Variants in MYH14 observed in about 807,000 individuals in gnomAD.
MYH14 encodes the protein myosin heavy chain 14, also known as myosin-14.
A neutral mutation model predicts 255.5 loss-of-function variants in MYH14; 123 were observed. The observed-to-expected ratio is 0.48, with a 90% confidence interval of 0.42 to 0.56. The LOEUF is 0.56. Ranked by LOEUF, MYH14 falls within the 20% of genes least tolerant of loss-of-function variation. The pLI is 0.00. For synonymous variants in MYH14, 1,095 were observed against 1,161.2 expected, an observed-to-expected ratio of 0.94 and a Z score of 1.16; for missense variants, 2,423 against 2,802.3, an observed-to-expected ratio of 0.86 and a Z score of 3.06.
chr19:50,309,251 G>C, intron 42 of MYH14, 74 bp downstream of exon 42: 1 of 1,443,356 alleles, frequency 6.9e-7, no homozygotes, highest in Non-Finnish European at 9.7e-7. Flanking sequence ...ACGCGAGGCC[G>C]TGCCAGGGGC....
chr19:50,284,788 T>A (rs2123432436), intron 33 of MYH14: 1 of 152,268 alleles, frequency 6.6e-6, no homozygotes, highest in East Asian at 1.9e-4. Flanking sequence ...CTATCATGGC[T>A]CCATGTTAAT....
At position 50,298,570 on chromosome 19, in the gene MYH14, G is replaced by A. The variant is rs535406560; in HGVS notation, c.5470-3091G>A. Among the ~76,000 whole-genome samples, 13 of 151,790 alleles carry A rather than the reference G, an allele frequency of 8.6e-5. No individual in the cohort carries two copies. In the East Asian group the frequency reaches 1.2e-3, roughly 14 times the overall value. On this transcript the variant is annotated intron_variant, in intron 39 of 42. Transcript: ENST00000642316. ...GTTCAAGATCAGCCTGACCAATATG[G>A]TGAACCCCTGTCTCTACTAAAAATA...
Position 50,252,514 on chromosome 19 carries a change from A to C in MYH14, c.1831-125A>C, listed in dbSNP as rs1375305494. The C allele has an allele frequency of 7.1e-6, 5 of 704,664 alleles. No individual in the cohort carries two copies. The highest frequency in any genetic ancestry group is 7.0e-5 in the African/African-American group (4 of 56,990). The allele number at this position is 704,664 out of a possible 1,614,324, so 43.7% of individuals were successfully genotyped here. On this transcript the variant is annotated intron_variant, in intron 15 of 42. Coordinates refer to ENST00000642316, the MANE Select transcript of MYH14 (RefSeq NM_001145809.2). The surrounding 1 kb of genome is among the most constrained non-coding windows in gnomAD (Gnocchi z 4.2). ...CAGAATATGGACACAAGGTGGCACC[A>C]GTGCTCGCTTGTCCATGGTGAGCTC...
At chr19:50,270,114 C>T (rs919352151) in intron 24 of MYH14, among the ~76,000 whole-genome samples, 1 of 152,126 alleles carries the variant, frequency 6.6e-6, no homozygotes, top group African/African-American at 2.4e-5. Context: ...TCACACTACC[C>T]ACGAGGCCTG....
In MYH14 at chr19:50,286,714, C is replaced by G; in HGVS notation, c.4752+20C>G. 1 of 1,554,002 alleles carries G rather than the reference C, an allele frequency of 6.4e-7. No homozygotes were observed. The highest frequency in any genetic ancestry group is 8.7e-7 in the Non-Finnish European group (1 of 1,148,896). ...AAGAGCGTGAGCAGGGCCCCCGCTC[C>G]CCGGGACACACTGGGTGAGGGGAGA... is the stretch of plus-strand genomic sequence containing the variant. On this transcript the variant is annotated intron_variant, in intron 34 of 42. Transcript: ENST00000642316.
In MYH14 at chr19:50,210,393, G is replaced by A. The variant is rs771312040; in HGVS notation, c.28G>A (p.Gly10Arg). The A allele has an allele frequency of 1.9e-6, 3 of 1,583,310 alleles. No homozygotes were observed. In the South Asian group the frequency reaches 3.4e-5, roughly 18 times the overall value. Residue 10 changes from glycine (G) to arginine (R), a missense_variant, in exon 2 of 43, where the codon GGG becomes AGG. Transcript: ENST00000642316. The part of the protein sequence containing the change: MAAVTMSVP[G>R]RKAPPRPGPV... ...GGCAGCCGTGACCATGTCGGTGCCC[G>A]GGCGGAAGGCGCCCCCCAGGCCGGG...
chr19:50,224,032 T>TTCCCCCTCCCCCCCCCCCCCCCCCCCC, intron 5 of MYH14, 122 bp from the exon 6 acceptor site: 1 of 610,332 alleles, frequency 1.6e-6, no homozygotes, highest in South Asian at 1.7e-5. Flanking sequence ...ATGCCCGGTT[T>TTCCCCCTCCCCCCCCCCCCCCCCCCCC]CCCCAGTCCC....
Position 50,230,611 on chromosome 19 carries a change from G to C in MYH14, c.961G>C (p.Glu321Gln). Residue 321 changes from glutamate (E) to glutamine (Q), a missense_variant, in exon 9 of 43, where the codon GAG (glutamate) becomes CAG (glutamine). Coordinates refer to ENST00000642316, the MANE Select transcript of MYH14 (RefSeq NM_001145809.2). This position sits in a 1 kb window ranked among gnomAD's most constrained non-coding sequence, Gnocchi z 4.7. Reference protein sequence around the residue: ...IFYQLLGGAGEQLKADLLLEP... With the variant: ...IFYQLLGGAGQQLKADLLLEP... Reference sequence around the variant, plus strand: ...CTACCAGCTGCTGGGGGGCGCTGGAGAGCAGCTCAAAGGTCAGTGCCGCCC... The same window carrying C: ...CTACCAGCTGCTGGGGGGCGCTGGACAGCAGCTCAAAGGTCAGTGCCGCCC... 2 of 1,563,880 alleles carry C rather than the reference G, an allele frequency of 1.3e-6. No individual in the cohort carries two copies. Among genetic ancestry groups the C allele is most frequent in the Non-Finnish European group, 1.7e-6 (2 of 1,154,516 alleles).
chr19:50,273,951 T>G (rs1486546642), intron 27 of MYH14, among the ~76,000 whole-genome samples: 2 of 152,088 alleles, frequency 1.3e-5, no homozygotes, highest in African/African-American at 2.4e-5. Context: ...GAGTCTGACT[T>G]CTGGGTTGGA....
chr19:50,257,304 G>T lies in MYH14; in HGVS notation c.2050G>T (p.Gly684Cys). 6.2e-7 allele frequency: 1 copy of T among 1,600,214 alleles called. No individual in the cohort carries two copies. The highest frequency in any genetic ancestry group is 1.1e-5 in the South Asian group (1 of 89,710). The change falls in exon 18 of 43, where the codon GGC becomes TGC. Residue 684 changes from glycine (G) to cysteine (C), a missense_variant. This residue lies in a region of MYH14 where 672 missense variants were observed against 881.8 expected (regional missense o/e 0.76). Coordinates refer to ENST00000642316, the MANE Select transcript of MYH14 (RefSeq NM_001145809.2). Reference protein sequence around the residue: ...SSAISPPGVEGIVGLEQVSSL... With the variant: ...SSAISPPGVECIVGLEQVSSL... Reference sequence around the variant, plus strand: ...TCTGCATCTCCATCTGACAGTGGAGGGCATCGTGGGGCTGGAACAGGTGAG... The same window carrying T: ...TCTGCATCTCCATCTGACAGTGGAGTGCATCGTGGGGCTGGAACAGGTGAG...
At position 50,293,831 on chromosome 19, in the gene MYH14, A is replaced by G. The variant is rs1309151616; in HGVS notation, c.5469+144A>G. 4.7e-6 allele frequency: 4 copies of G among 851,952 alleles called. No individual in the cohort carries two copies. The African/African-American group carries it at 6.7e-5, about 14-fold the overall frequency. 52.8% of individuals were successfully genotyped at this position (851,952 alleles called of 1,614,324 possible). ...AATAGGAGTTCTTAAAAGGGTTGAA[A>G]GGCATGATTCACTTGTATTTCTGAG... On this transcript the variant is annotated intron_variant, in intron 39 of 42. Transcript: ENST00000642316. The surrounding 1 kb of genome is among the most constrained non-coding windows in gnomAD (Gnocchi z 4.1).
At position 50,276,896 on chromosome 19, in the gene MYH14, C is replaced by A. The variant is rs1423688753; in HGVS notation, c.3820C>A (p.Arg1274=). 6.2e-6 allele frequency: 5 copies of A among 804,124 alleles called. No homozygotes were observed. The Admixed American group carries it at 7.6e-5, about 12-fold the overall frequency. 49.8% of individuals were successfully genotyped at this position (804,124 alleles called of 1,614,324 possible). ...GELAEQLEQA[R]RGKGAWEKTR... is the part of the protein sequence containing the mutation. ...GCTGGCGGAGCAGCTGGAGCAGGCCCGGAGGGTGGGTTGGGGCAGGGGGAC... is the reference window on the plus strand; with the variant it reads ...GCTGGCGGAGCAGCTGGAGCAGGCCAGGAGGGTGGGTTGGGGCAGGGGGAC... The change falls in exon 29 of 43, where the codon CGG becomes AGG. Residue 1274 remains arginine (R), a synonymous_variant. Coordinates refer to ENST00000642316, the MANE Select transcript of MYH14 (RefSeq NM_001145809.2). The surrounding 1 kb of genome is among the most constrained non-coding windows in gnomAD (Gnocchi z 4.3).
rs1378510018 is a variant in MYH14 at position 50,230,276 on chromosome 19, G to C, written c.875-249G>C. ...TCTAAAAAGAGAGAGAGAGAGAGAG[G>C]AAGGTCTCCTAAAGGTGTTATTTTC... On this transcript the variant is annotated intron_variant, in intron 8 of 42. Coordinates refer to ENST00000642316, the MANE Select transcript of MYH14 (RefSeq NM_001145809.2). This position sits in a 1 kb window ranked among gnomAD's most constrained non-coding sequence, Gnocchi z 4.7. Among the ~76,000 whole-genome samples the C allele has an allele frequency of 6.6e-6, 1 of 151,518 alleles. No individual in the cohort carries two copies. Among genetic ancestry groups the C allele is most frequent in the Non-Finnish European group, 1.5e-5 (1 of 67,988 alleles).
chr19:50,263,831 C>A (rs1045965733), intron 22 of MYH14, among the ~76,000 whole-genome samples: 1 of 151,746 alleles, frequency 6.6e-6, no homozygotes, highest in African/African-American at 2.4e-5. Flanking sequence ...CCGAGGCGGG[C>A]GGATCACTTG....
chr19:50,220,185 T>G (rs1040275409), intron 3 of MYH14, among the ~76,000 whole-genome samples: 8 of 152,180 alleles, frequency 5.3e-5, no homozygotes, highest in African/African-American at 1.9e-4. Flanking sequence ...TTCCTGTCTG[T>G]CAAACATCCC....
Position 50,281,655 on chromosome 19 carries a change from C to T in MYH14, c.4352C>T (p.Ala1451Val), listed in dbSNP as rs755926130. The T allele has an allele frequency of 6.2e-7, 1 of 1,607,856 alleles. No homozygotes were observed. Among genetic ancestry groups the T allele is most frequent in the South Asian group, 1.1e-5 (1 of 90,652 alleles). The change falls in exon 33 of 43, where the codon GCA becomes GTA. Residue 1451 changes from alanine (A) to valine (V), a missense_variant. Coordinates refer to ENST00000642316, the MANE Select transcript of MYH14 (RefSeq NM_001145809.2). ...GGGGCACTGGAGGCAGGGGAGGAGGCACGGCGCCGGGCAGCCCGGGAGGCC... is the reference window on the plus strand; with the variant it reads ...GGGGCACTGGAGGCAGGGGAGGAGGTACGGCGCCGGGCAGCCCGGGAGGCC... ...EAGALEAGEE[A>V]RRRAAREAEA...
chr19:50,259,384 G>C, intron 19 of MYH14, 119 bp downstream of exon 19: 1 of 1,333,780 alleles, frequency 7.5e-7, no homozygotes, highest in Non-Finnish European at 1.0e-6. Flanking sequence ...TGGGGAAGTT[G>C]AGGCAGATTA....
At chr19:50,288,186 ATGGGAGGCAC>A (rs1340273719) in intron 34 of MYH14, among the ~76,000 whole-genome samples, 1 of 152,206 alleles carries the variant, frequency 6.6e-6, no homozygotes, top group Non-Finnish European at 1.5e-5. Flanking sequence ...CTCACTAATG[ATGGGAGGCAC>A]TGGCAGAATT....
chr19:50,256,987 AG>A (rs2034612841), intron 17 of MYH14, among the ~76,000 whole-genome samples: 1 of 152,242 alleles, frequency 6.6e-6, no homozygotes, highest in Admixed American at 6.5e-5. Context: ...TTTATTGATA[AG>A]GAAAACAGAG....
Sources: gnomAD v4.1 joint callset for allele counts (sites outside exome capture counted in the v4.1 genomes callset) on GRCh38, gnomAD v4.1.1 for gene constraint, gnomAD v4.1.1 regional missense constraint, Gnocchi (gnomAD v3.1) non-coding constraint, MANE v1.5 for transcripts, NCBI Gene and HGNC (gene_info 2026-07-23, HGNC 2026-07-21) for gene names.